Variants in CYP4X1 observed in about 807,000 individuals in gnomAD.
CYP4X1 encodes the protein cytochrome P450 family 4 subfamily X member 1, also known as cytochrome P450 4X1.
A neutral mutation model predicts 57.9 loss-of-function variants in CYP4X1; 44 were observed. That is an observed-to-expected ratio of 0.76 (90% CI 0.60 to 0.98). CYP4X1 has a LOEUF of 0.98. CYP4X1 is among the 50% of genes least tolerant of loss of function. CYP4X1 has a pLI of 0.00. For missense variants in CYP4X1, 532 were observed against 623.9 expected (o/e 0.85, Z 1.57); for synonymous variants, 227 against 228.6 (o/e 0.99, Z 0.06).
chr1:47,038,561 A>G (rs1442588763), intron 6 of CYP4X1, 99 bp from the exon 7 acceptor site: 1 of 808,300 alleles, frequency 1.2e-6, no homozygotes, highest in East Asian at 2.8e-5. Flanking sequence ...ACGTCTGGAA[A>G]TCAGGCAAGA....
chr1:46,965,269 C>T, the CYP4X1 span, among the ~76,000 whole-genome samples: 1 of 152,230 alleles, frequency 6.6e-6, no homozygotes, highest in Non-Finnish European at 1.5e-5. Context: ...CCTGCACCCA[C>T]TGTCTGACAA....
chr1:47,021,334 T>C (rs1569595504), upstream of CYP4X1, among the ~76,000 whole-genome samples: 1 of 152,086 alleles, frequency 6.6e-6, no homozygotes, highest in African/African-American at 2.4e-5. Flanking sequence ...CCACCAGGGA[T>C]AGCAAAAACA....
At chr1:46,996,178 A>G in the CYP4X1 span, among the ~76,000 whole-genome samples, 4 of 152,254 alleles carry the variant, frequency 2.6e-5, no homozygotes, top group African/African-American at 7.2e-5. Flanking sequence ...GATATTGTAC[A>G]TATAGAAACT....
At chr1:46,961,769 C>T in the CYP4X1 span, 3 of 1,309,376 alleles carry the variant, frequency 2.3e-6, no homozygotes, top group Non-Finnish European at 3.0e-6. Flanking sequence ...GAGTAAGCAC[C>T]TGCCTTTCTT....
At chr1:47,003,041 G>A in the CYP4X1 span, 1 of 152,138 alleles carries the variant, frequency 6.6e-6, no homozygotes, top group Non-Finnish European at 1.5e-5. Flanking sequence ...ATAATAGGAA[G>A]TGAACTTTGC....
chr1:47,031,251 A>T (rs1644120831), intron 2 of CYP4X1, among the ~76,000 whole-genome samples, 185 bp from the exon 3 acceptor site: 1 of 152,246 alleles, frequency 6.6e-6, no homozygotes, highest in South Asian at 2.1e-4. Context: ...CTGTTCTCTG[A>T]AACTGAGCCA....
the CYP4X1 span, among the ~76,000 whole-genome samples, chr1:46,991,774 G>GCGACT: frequency 0.031 from 4,727 of 152,284 alleles, 136 homozygotes; most frequent in African/African-American, 0.08. Context: ...ACGCTGGCCG[G>GCGACT]CGACTCGGAG....
chr1:46,990,462 T>G, the CYP4X1 span, among the ~76,000 whole-genome samples: 5 of 152,212 alleles, frequency 3.3e-5, no homozygotes, highest in South Asian at 4.2e-4. Flanking sequence ...GGACTGTAAA[T>G]TAGTTCAACC....
upstream of CYP4X1, among the ~76,000 whole-genome samples, chr1:47,022,640 G>A (rs957285101): frequency 6.6e-6 from 1 of 152,202 alleles, no homozygotes; most frequent in Non-Finnish European, 1.5e-5. Context: ...TGGCTCCAGA[G>A]AGTGGAGCGT....
At chr1:46,998,157 G>A in the CYP4X1 span, among the ~76,000 whole-genome samples, 42 of 147,962 alleles carry the variant, frequency 2.8e-4, 1 homozygote, top group South Asian at 9.3e-3. Flanking sequence ...TTTGTTTTTT[G>A]TAGGTTTTTC....
chr1:47,001,030 G>A, the CYP4X1 span: 2 of 230,786 alleles, frequency 8.7e-6, no homozygotes, highest in Non-Finnish European at 2.0e-5. Context: ...GTTGAGTAGG[G>A]TCAGGGCCAC....
At chr1:47,024,602 T>G (rs192217378) in intron 1 of CYP4X1, among the ~76,000 whole-genome samples, 9 of 152,284 alleles carry the variant, frequency 5.9e-5, no homozygotes, top group Admixed American at 5.9e-4. Context: ...GAGTGGCAAT[T>G]GTGTGATAGG....
At chr1:47,022,136 A>G (rs1644003675), upstream of CYP4X1, among the ~76,000 whole-genome samples, 1 of 152,098 alleles carries the variant, frequency 6.6e-6, no homozygotes, top group Non-Finnish European at 1.5e-5. Context: ...GTCAAATAAC[A>G]ACATCTAGTT....
chr1:47,003,436 A>T, the CYP4X1 span, among the ~76,000 whole-genome samples: 1 of 152,096 alleles, frequency 6.6e-6, no homozygotes, highest in Non-Finnish European at 1.5e-5. Flanking sequence ...ATCTCCTCTT[A>T]ATTGTTGGAT....
chr1:47,047,757 C>T (rs1644317821), intron 9 of CYP4X1, among the ~76,000 whole-genome samples: 1 of 151,848 alleles, frequency 6.6e-6, no homozygotes, highest in African/African-American at 2.4e-5. Flanking sequence ...GCACACCACG[C>T]CTGGCAAATT....
At chr1:46,972,278 A>G in the CYP4X1 span, among the ~76,000 whole-genome samples, 1 of 152,086 alleles carries the variant, frequency 6.6e-6, no homozygotes, top group Non-Finnish European at 1.5e-5. Flanking sequence ...TCACTTATCT[A>G]TTCTGTTCCA....
chr1:47,046,709 C>A, intron 9 of CYP4X1, 109 bp downstream of exon 9: 2 of 1,495,946 alleles, frequency 1.3e-6, no homozygotes, highest in Non-Finnish European at 1.8e-6. Context: ...AAAGATAATG[C>A]TAACATGTGA....
At chr1:47,029,931 C>A (rs1215065657) in intron 1 of CYP4X1, 59 bp from the exon 2 acceptor site, 1 of 1,586,216 alleles carries the variant, frequency 6.3e-7, no homozygotes, top group Non-Finnish European at 8.6e-7. Flanking sequence ...CAGCTTGTGT[C>A]TATAAGAGGG....
intron 10 of CYP4X1, 80 bp downstream of exon 10, chr1:47,048,709 G>C: frequency 1.5e-6 from 2 of 1,322,488 alleles, no homozygotes; most frequent in South Asian, 2.9e-5. Context: ...GCACAGAAGT[G>C]GCTATATAAT....
Sources: allele counts gnomAD v4.1 joint callset (sites outside exome capture counted in the v4.1 genomes callset), GRCh38; gene constraint gnomAD v4.1.1; transcripts MANE v1.5; gene names NCBI Gene and HGNC (gene_info 2026-07-23, HGNC 2026-07-21).